JMJD1C: variants seen among roughly 807,000 people sequenced by gnomAD.
JMJD1C encodes the protein jumonji domain-containing protein 1C.
Under a neutral mutation model 245.3 loss-of-function variants are expected in JMJD1C, and 31 were observed. The ratio of observed to expected loss-of-function variants is 0.13; its 90% CI spans 0.09 to 0.17. JMJD1C has a LOEUF of 0.17. Ranked by LOEUF, JMJD1C falls within the 10% of genes least tolerant of loss-of-function variation. The pLI is 1.00. For synonymous variants in JMJD1C, 1,057 were observed against 1,017.4 expected, an observed-to-expected ratio of 1.04 and a Z score of -0.74; for missense variants, 2,691 against 3,000.2, an observed-to-expected ratio of 0.90 and a Z score of 2.41.
intron 1 of JMJD1C, among the ~76,000 whole-genome samples, chr10:63,458,142 G>C (rs537251877): frequency 5.9e-5 from 9 of 152,260 alleles, no homozygotes; most frequent in Non-Finnish European, 1.2e-4. Context: ...AAAACTAAAA[G>C]TACGTAATCC....
chr10:63,427,011 A>G (rs891905660), intron 1 of JMJD1C, among the ~76,000 whole-genome samples: 4 of 152,250 alleles, frequency 2.6e-5, no homozygotes, highest in South Asian at 4.1e-4. Context: ...AATAACTTTA[A>G]GACATCCTCG....
At chr10:63,342,799 T>A (rs1943490332) in intron 2 of JMJD1C, among the ~76,000 whole-genome samples, 1 of 152,228 alleles carries the variant, frequency 6.6e-6, no homozygotes. Context: ...ACTGTCCACA[T>A]GGGTGGCTGC....
Position 63,258,717 on chromosome 10 carries a change from C to A in JMJD1C, c.447+5934G>T, listed in dbSNP as rs191975810. Among the ~76,000 whole-genome samples the A allele has an allele frequency of 1.6e-3, 251 of 152,264 alleles. 2 individuals carry two copies. Among genetic ancestry groups the A allele is most frequent in the African/African-American group, 5.9e-3 (244 of 41,552 alleles). ...TATCTTTGTATTTCGGAAGTTTTTA[C>A]TTCAGGCTCCTTAAATCCAGTCTAC... On this transcript the variant is annotated intron_variant, in intron 3 of 25. Coordinates refer to ENST00000399262, the MANE Select transcript of JMJD1C (RefSeq NM_032776.3).
chr10:63,324,472 T>G (rs546753750), intron 2 of JMJD1C, among the ~76,000 whole-genome samples: 1 of 152,256 alleles, frequency 6.6e-6, no homozygotes, highest in South Asian at 2.1e-4. Flanking sequence ...GAGATCAGAT[T>G]TATACACATC....
At chr10:63,371,172 G>C (rs1450422854) in intron 2 of JMJD1C, among the ~76,000 whole-genome samples, 1 of 150,364 alleles carries the variant, frequency 6.7e-6, no homozygotes, top group Non-Finnish European at 1.5e-5. Flanking sequence ...GTAGGGATGA[G>C]GGTATAGCTA....
At chr10:63,195,614 G>A (rs1845371538) in intron 13 of JMJD1C, among the ~76,000 whole-genome samples, 1 of 152,008 alleles carries the variant, frequency 6.6e-6, no homozygotes, top group African/African-American at 2.4e-5. Context: ...AGATAGTATG[G>A]ACAATAACCC....
chr10:63,219,908 C>G lies in JMJD1C; in HGVS notation c.523G>C (p.Glu175Gln). ...ATAAAAATCTCCTGAACCTTTTGTT[C>G]CTTTACCCAGACTTTCACTTCCTCA... Reference protein sequence around the residue: ...LHEEVKVWVKEQKVQEIFMQG... With the variant: ...LHEEVKVWVKQQKVQEIFMQG... Residue 175 changes from glutamate to glutamine, a missense_variant, in exon 4 of 26, where the codon GAA becomes CAA. By Grantham distance (29) the Glu-to-Gln change is conservative (BLOSUM62 2). Transcript: ENST00000399262. 1 of 1,613,616 alleles carries G rather than the reference C, an allele frequency of 6.2e-7. No individual in the cohort carries two copies. The highest frequency in any genetic ancestry group is 8.5e-7 in the Non-Finnish European group (1 of 1,179,654).
intron 18 of JMJD1C, 95 bp downstream of exon 18, chr10:63,189,069 ATTTT>A: frequency 9.9e-7 from 1 of 1,011,046 alleles, no homozygotes; most frequent in Non-Finnish European, 1.4e-6. Flanking sequence ...GTTAACCACT[ATTTT>A]TCCCCCCTCC....
At chr10:63,424,497 C>CTTTTTTCT (rs1950316307) in intron 1 of JMJD1C, among the ~76,000 whole-genome samples, 1 of 103,356 alleles carries the variant, frequency 9.7e-6, no homozygotes, top group Non-Finnish European at 1.8e-5. Flanking sequence ...ATTATTATTT[C>CTTTTTTCT]TTTTTTTTTT....
intron 1 of JMJD1C, among the ~76,000 whole-genome samples, chr10:63,431,672 A>T (rs1950756072): frequency 6.6e-6 from 1 of 152,232 alleles, no homozygotes; most frequent in Non-Finnish European, 1.5e-5. Context: ...AACTAAGGTG[A>T]TATTGTAACT....
intron 1 of JMJD1C, among the ~76,000 whole-genome samples, chr10:63,403,519 T>A (rs746201001): frequency 6.6e-6 from 1 of 152,220 alleles, no homozygotes; most frequent in Non-Finnish European, 1.5e-5. Flanking sequence ...TCAAAATTAA[T>A]AGTATTTCAG....
chr10:63,477,251 A>G (rs2133172552), intron 1 of JMJD1C, among the ~76,000 whole-genome samples: 1 of 152,276 alleles, frequency 6.6e-6, no homozygotes, highest in East Asian at 1.9e-4. Context: ...CTAAACCCAA[A>G]TAAGTTAAGA....
chr10:63,378,040 T>C (rs1453447155), intron 2 of JMJD1C, among the ~76,000 whole-genome samples: 1 of 150,682 alleles, frequency 6.6e-6, no homozygotes, highest in Non-Finnish European at 1.5e-5. Flanking sequence ...AAAAAGATAA[T>C]CCTCTATTAC....
chr10:63,248,564 A>AAATAAATAAATAAATAAATAAATG (rs1261413678), intron 3 of JMJD1C, among the ~76,000 whole-genome samples: 3 of 151,282 alleles, frequency 2.0e-5, no homozygotes, highest in Non-Finnish European at 4.4e-5. Context: ...ATAAATAAAT[A>AAATAAATAAATAAATAAATAAATG]AATGACAGGG....
intron 1 of JMJD1C, among the ~76,000 whole-genome samples, chr10:63,421,302 C>G (rs1270542936): frequency 6.6e-6 from 1 of 152,136 alleles, no homozygotes; most frequent in Non-Finnish European, 1.5e-5. Flanking sequence ...CCATTGCACT[C>G]CAGCCTGGGC....
At chr10:63,209,877 C>T (rs546791647) in intron 8 of JMJD1C, among the ~76,000 whole-genome samples, 1 of 152,228 alleles carries the variant, frequency 6.6e-6, no homozygotes, top group South Asian at 2.1e-4. Flanking sequence ...ACCTCTTCAT[C>T]GAGACATACA....
chr10:63,369,511 C>T (rs530422583), intron 2 of JMJD1C, among the ~76,000 whole-genome samples: 5 of 151,878 alleles, frequency 3.3e-5, no homozygotes, highest in Admixed American at 6.6e-5. Context: ...GTGGTAAATC[C>T]GGGGGAAAAT....
At position 63,263,959 on chromosome 10, in the gene JMJD1C, T is replaced by TACACAC. The variant is rs746833882; in HGVS notation, c.447+686_447+691dup. 6.1e-3 allele frequency among the ~76,000 whole-genome samples: 504 copies of TACACAC among 82,978 alleles called. 10 individuals carry two copies. Among genetic ancestry groups the TACACAC allele is most frequent in the African/African-American group, 0.015 (349 of 23,808 alleles). 54.4% of individuals were successfully genotyped at this position (82,978 alleles called of 152,430 possible). ...AAAAAAAAAAAAAAAAAAATACACA[T>TACACAC]ACACACACACACACACACACACACA... On this transcript the variant is annotated intron_variant, in intron 3 of 25. Coordinates refer to ENST00000399262, the MANE Select transcript of JMJD1C (RefSeq NM_032776.3).
intron 1 of JMJD1C, among the ~76,000 whole-genome samples, chr10:63,502,636 CAAAAAAAAAAAA>C (rs67729776): frequency 1.5e-5 from 1 of 66,250 alleles, no homozygotes; most frequent in Non-Finnish European, 3.1e-5. Context: ...GACTTTGTCT[CAAAAAAAAAAAA>C]AAAAAAAAAA....
Sources: gnomAD v4.1 joint callset for allele counts (sites outside exome capture counted in the v4.1 genomes callset) on GRCh38, gnomAD v4.1.1 for gene constraint, MANE v1.5 for transcripts, NCBI Gene and HGNC (gene_info 2026-07-23, HGNC 2026-07-21) for gene names.